LSAMP: variants seen among roughly 807,000 people sequenced by gnomAD.
LSAMP encodes limbic system-associated membrane protein.
In LSAMP, 7 loss-of-function variants were observed where a neutral mutation model predicts 38.6. That is an observed-to-expected ratio of 0.18 (90% CI 0.10 to 0.34). The LOEUF (loss-of-function observed/expected upper bound fraction) is 0.34. Among genes scored for constraint, LSAMP ranks in the 10% least tolerant of loss-of-function variants. The probability of loss-of-function intolerance (pLI) is 1.00; values close to 1 mark genes in which losing one functional copy is unlikely to be tolerated. For synonymous variants in LSAMP, 154 were observed against 166.8 expected (o/e 0.92, Z 0.59); for missense variants, 313 against 420.0 (o/e 0.75, Z 2.23).
chr3:115,869,223 T>C (rs1256753048), intron 3 of LSAMP, among the ~76,000 whole-genome samples: 1 of 150,384 alleles, frequency 6.6e-6, no homozygotes, highest in Non-Finnish European at 1.5e-5. Context: ...GGTCAGGAGA[T>C]CATTTGACAT....
rs535221789 is a variant in LSAMP, at chr3:116,013,992, C to T, written c.514+5523G>A. ...TTTGCTGGTCTTGCAGATTTTGCTA[C>T]ATGGCCCTGTTTTATGGTCTCATTG... On this transcript the variant is annotated intron_variant, in intron 3 of 6. Coordinates refer to ENST00000490035, the MANE Select transcript of LSAMP (RefSeq NM_002338.5). Among the ~76,000 whole-genome samples, 3 of 152,276 alleles carry T rather than the reference C, an allele frequency of 2.0e-5. No individual in the cohort carries two copies. In the East Asian group the frequency reaches 5.8e-4, roughly 29 times the overall value.
intron 1 of LSAMP, among the ~76,000 whole-genome samples, chr3:116,344,637 A>T (rs1361215059): frequency 6.6e-6 from 1 of 151,942 alleles, no homozygotes; most frequent in Admixed American, 6.6e-5. Flanking sequence ...AATGATCTCA[A>T]CTCTAATTCT....
At chr3:116,441,908 G>A (rs938570629) in intron 1 of LSAMP, among the ~76,000 whole-genome samples, 1 of 152,242 alleles carries the variant, frequency 6.6e-6, no homozygotes, top group East Asian at 1.9e-4. Flanking sequence ...CCCTGGGACA[G>A]AAGTTGGTAT....
At position 115,847,685 on chromosome 3, in the gene LSAMP, A is replaced by T. The variant is rs1273740849; in HGVS notation, c.649+4798T>A. Among the ~76,000 whole-genome samples the T allele has an allele frequency of 2.0e-5, 3 of 152,086 alleles. No individual in the cohort carries two copies. The East Asian group carries it at 5.8e-4, about 29-fold the overall frequency. On this transcript the variant is annotated intron_variant, in intron 4 of 6. Transcript: ENST00000490035. Reference sequence around the variant, plus strand: ...ATAAGAGTTTGGTAGTTCCTCCTGCACTCATTCCCTTTCCTGCCGCCTTGT... The same window carrying T: ...ATAAGAGTTTGGTAGTTCCTCCTGCTCTCATTCCCTTTCCTGCCGCCTTGT...
chr3:115,816,724 G>T (rs766992648), intron 6 of LSAMP: 2 of 787,082 alleles, frequency 2.5e-6, no homozygotes, highest in Non-Finnish European at 3.7e-6. Flanking sequence ...AAGGTAATCT[G>T]ATATTCTCCA....
intron 2 of LSAMP, among the ~76,000 whole-genome samples, 199 bp downstream of exon 2, chr3:116,086,125 C>A (rs528730149): frequency 1.3e-5 from 2 of 152,316 alleles, no homozygotes; most frequent in South Asian, 4.1e-4. Context: ...TACTGGCTCT[C>A]AGTAACAGGA....
intron 1 of LSAMP, among the ~76,000 whole-genome samples, chr3:116,395,329 G>A (rs1273169259): frequency 6.6e-6 from 1 of 152,134 alleles, no homozygotes; most frequent in Non-Finnish European, 1.5e-5. Flanking sequence ...GAGATGCACG[G>A]CACACAGCTC....
chr3:116,138,878 GGCAGCCAAA>G (rs1176339666), intron 1 of LSAMP, among the ~76,000 whole-genome samples: 1 of 150,262 alleles, frequency 6.7e-6, no homozygotes, highest in Non-Finnish European at 1.5e-5. Flanking sequence ...ATTGGCAGGT[GGCAGCCAAA>G]GCAATCTATG....
At chr3:116,432,038 C>T (rs901121961) in intron 1 of LSAMP, among the ~76,000 whole-genome samples, 3 of 151,900 alleles carry the variant, frequency 2.0e-5, no homozygotes, top group African/African-American at 7.2e-5. Context: ...GTCTGACTCC[C>T]CTTACAATAT....
At chr3:116,112,419 G>T (rs979988405) in intron 1 of LSAMP, among the ~76,000 whole-genome samples, 4 of 152,168 alleles carry the variant, frequency 2.6e-5, no homozygotes, top group Admixed American at 1.3e-4. Context: ...CAAAGGAAGG[G>T]TGTGGAGATG....
At chr3:115,859,618 C>T (rs1007350177) in intron 3 of LSAMP, among the ~76,000 whole-genome samples, 1 of 152,116 alleles carries the variant, frequency 6.6e-6, no homozygotes. Flanking sequence ...TAGTTAGTAC[C>T]CAGAAACCAG....
Position 116,240,768 on chromosome 3 carries a change from C to G in LSAMP, c.156-154212G>C, listed in dbSNP as rs2046522250. Reference sequence around the variant, plus strand: ...ATATTCATTTTCAGGAATGAGAAGGCAACAGTTTCATTAGATTCTCAAGAG... The same window carrying G: ...ATATTCATTTTCAGGAATGAGAAGGGAACAGTTTCATTAGATTCTCAAGAG... On this transcript the variant is annotated intron_variant, in intron 1 of 6. Transcript: ENST00000490035. Among the ~76,000 whole-genome samples the G allele has an allele frequency of 2.0e-5, 3 of 152,146 alleles. No individual in the cohort carries two copies. In the South Asian group the frequency reaches 6.2e-4, roughly 32 times the overall value.
At chr3:116,271,302 G>A (rs2046969097) in intron 1 of LSAMP, among the ~76,000 whole-genome samples, 1 of 152,016 alleles carries the variant, frequency 6.6e-6, no homozygotes, top group Non-Finnish European at 1.5e-5. Flanking sequence ...TCTACCCACA[G>A]AACAGTAATG....
At chr3:116,428,721 A>G (rs894221704) in intron 1 of LSAMP, among the ~76,000 whole-genome samples, 6 of 152,146 alleles carry the variant, frequency 3.9e-5, no homozygotes, top group African/African-American at 1.2e-4. Context: ...ACTAAAATTG[A>G]GTGAAACTGT....
intron 3 of LSAMP, among the ~76,000 whole-genome samples, chr3:115,865,039 A>T (rs1272925100): frequency 1.3e-5 from 2 of 152,178 alleles, no homozygotes; most frequent in African/African-American, 4.8e-5. Context: ...ATAAGATCTC[A>T]TTGCAACCAC....
chr3:116,181,576 G>A (rs1471423433), intron 1 of LSAMP, among the ~76,000 whole-genome samples: 1 of 152,018 alleles, frequency 6.6e-6, no homozygotes, highest in African/African-American at 2.4e-5. Flanking sequence ...TGCAAGTGTT[G>A]CATAATGATG....
At chr3:116,203,467 T>A (rs2046019031) in intron 1 of LSAMP, among the ~76,000 whole-genome samples, 1 of 151,922 alleles carries the variant, frequency 6.6e-6, no homozygotes, top group African/African-American at 2.4e-5. Context: ...GTTACATATG[T>A]ATACATGTGA....
chr3:116,235,902 T>C (rs373392931), intron 1 of LSAMP, among the ~76,000 whole-genome samples: 37 of 152,310 alleles, frequency 2.4e-4, no homozygotes, highest in African/African-American at 8.9e-4. Context: ...CTCTAATTTC[T>C]AGCGTTATGA....
chr3:115,871,681 C>A (rs1936043425), intron 3 of LSAMP, among the ~76,000 whole-genome samples: 1 of 151,846 alleles, frequency 6.6e-6, no homozygotes, highest in East Asian at 1.9e-4. Context: ...CAACCTCCTA[C>A]TCGTTGACAT....
Sources: gnomAD v4.1 joint callset for allele counts (sites outside exome capture counted in the v4.1 genomes callset) on GRCh38, gnomAD v4.1.1 for gene constraint, MANE v1.5 for transcripts, NCBI Gene and HGNC (gene_info 2026-07-23, HGNC 2026-07-21) for gene names.